SNRPF: variants seen among roughly 807,000 people sequenced by gnomAD.
SNRPF encodes small nuclear ribonucleoprotein polypeptide F.
Under a neutral mutation model 13.4 loss-of-function variants are expected in SNRPF, and 1 was observed. That is an observed-to-expected ratio of 0.07 (90% CI 0.03 to 0.35). The LOEUF (loss-of-function observed/expected upper bound fraction) is 0.35. Among genes scored for constraint, SNRPF ranks in the 10% least tolerant of loss-of-function variants. SNRPF has a pLI of 0.99. For synonymous variants in SNRPF, 27 were observed against 32.1 expected, an observed-to-expected ratio of 0.84 and a Z score of 0.54; for missense variants, 53 against 101.0, an observed-to-expected ratio of 0.52 and a Z score of 2.04.
chr12:95,860,852 C>CTTTT (rs10689270), intron 1 of SNRPF, among the ~76,000 whole-genome samples: 27,477 of 95,988 alleles, frequency 0.29, 4,850 homozygotes, highest in South Asian at 0.39. Context: ...ACCTGGCCCG[C>CTTTT]TTTTTTTTTT....
At chr12:95,859,957 C>T (rs2079487090) in intron 1 of SNRPF, among the ~76,000 whole-genome samples, 1 of 152,088 alleles carries the variant, frequency 6.6e-6, no homozygotes, top group Non-Finnish European at 1.5e-5. Context: ...ACTGGAGACC[C>T]ATTAGGTTAT....
intron 2 of SNRPF, among the ~76,000 whole-genome samples, chr12:95,862,468 C>T (rs997521801): frequency 1.1e-4 from 17 of 152,156 alleles, no homozygotes; most frequent in African/African-American, 4.1e-4. Flanking sequence ...AATCCCAGCA[C>T]TTTGGGAGGC....
At chr12:95,860,642 C>G (rs146410781) in intron 1 of SNRPF, among the ~76,000 whole-genome samples, 1 of 152,048 alleles carries the variant, frequency 6.6e-6, no homozygotes, top group Non-Finnish European at 1.5e-5. Context: ...ACTGCAGCCT[C>G]GAGCTCCTGG....
chr12:95,864,718 A>G (rs1327417327), intron 2 of SNRPF, among the ~76,000 whole-genome samples: 2 of 152,244 alleles, frequency 1.3e-5, no homozygotes, highest in Admixed American at 1.3e-4. Flanking sequence ...CAGCTTGGGC[A>G]ATATAGCAAG....
intron 2 of SNRPF, 115 bp downstream of exon 2, chr12:95,861,408 C>T (rs1257551335): frequency 1.0e-6 from 1 of 972,404 alleles, no homozygotes; most frequent in Non-Finnish European, 1.5e-6. Flanking sequence ...AAATATACGG[C>T]AAAATTCAAA....
chr12:95,866,121 T>G lies in SNRPF; in HGVS notation c.*50T>G. ...ATATATATTTCTAGACAATAAAGATTTGTTTGTTTTTCAACTTGACTTGTG... is the reference window on the plus strand; with the variant it reads ...ATATATATTTCTAGACAATAAAGATGTGTTTGTTTTTCAACTTGACTTGTG... On this transcript the variant is annotated 3_prime_UTR_variant, in exon 4 of 4. Coordinates refer to ENST00000266735, the MANE Select transcript of SNRPF (RefSeq NM_003095.5). The G allele has an allele frequency of 1.2e-6, 1 of 804,598 alleles. No homozygotes were observed. Among genetic ancestry groups the G allele is most frequent in the South Asian group, 1.8e-5 (1 of 55,566 alleles). 49.8% of individuals were successfully genotyped at this position (804,598 alleles called of 1,614,324 possible).
intron 2 of SNRPF, among the ~76,000 whole-genome samples, chr12:95,864,057 C>G (rs2079509655): frequency 6.6e-6 from 1 of 152,150 alleles, no homozygotes; most frequent in Non-Finnish European, 1.5e-5. Context: ...GCTCTTAATA[C>G]ATTATTTCTT....
intron 1 of SNRPF, among the ~76,000 whole-genome samples, chr12:95,860,938 A>T (rs538462862): frequency 1.6e-4 from 23 of 144,050 alleles, no homozygotes; most frequent in African/African-American, 6.0e-4. Flanking sequence ...AGTGTATCTT[A>T]AGTGAATAGT....
At chr12:95,860,324 T>G (rs2079489308) in intron 1 of SNRPF, among the ~76,000 whole-genome samples, 1 of 152,198 alleles carries the variant, frequency 6.6e-6, no homozygotes, top group Non-Finnish European at 1.5e-5. Context: ...TTCCCTCCTT[T>G]TACATAAGTA....
chr12:95,861,464 G>A, intron 2 of SNRPF, 171 bp downstream of exon 2: 1 of 461,516 alleles, frequency 2.2e-6, no homozygotes, highest in Non-Finnish European at 3.8e-6. Flanking sequence ...CTAGGTACAA[G>A]ACATGGACTT....
chr12:95,863,327 TG>T (rs2079504980), intron 2 of SNRPF, among the ~76,000 whole-genome samples: 1 of 152,230 alleles, frequency 6.6e-6, no homozygotes, highest in Non-Finnish European at 1.5e-5. Context: ...CACAGGTTTT[TG>T]AATATACTGA....
chr12:95,865,713 T>A (rs930077245), intron 3 of SNRPF, among the ~76,000 whole-genome samples: 44 of 152,294 alleles, frequency 2.9e-4, no homozygotes, highest in African/African-American at 1.1e-3. Flanking sequence ...CTGGCTGTTT[T>A]GTTATATTGA....
chr12:95,865,948 T>G (rs1372564725), intron 3 of SNRPF, 57 bp from the exon 4 acceptor site: 2 of 723,488 alleles, frequency 2.8e-6, no homozygotes, highest in Non-Finnish European at 4.8e-6. Context: ...AATATAGTAA[T>G]TCATATCATA....
intron 2 of SNRPF, among the ~76,000 whole-genome samples, chr12:95,864,742 A>G (rs58459759): frequency 0.043 from 6,544 of 152,276 alleles, 451 homozygotes; most frequent in East Asian, 0.36. Context: ...TCATCTCTAC[A>G]GAAAAAATTG....
intron 2 of SNRPF, among the ~76,000 whole-genome samples, chr12:95,862,164 T>C (rs1384890502): frequency 1.3e-5 from 2 of 152,202 alleles, no homozygotes; most frequent in African/African-American, 4.8e-5. Flanking sequence ...CGTAGTGTAT[T>C]ATTCAAGGTT....
rs529826979 is a variant in SNRPF, at chr12:95,862,449, C to CA, written c.129+1157dup. Among the ~76,000 whole-genome samples the CA allele has an allele frequency of 3.3e-5, 5 of 152,146 alleles. No homozygotes were observed. In the South Asian group the frequency reaches 6.2e-4, roughly 19 times the overall value. ...TTTAAGGAGGCCAAGCGTGGTGGCT[C>CA]ATGCCTGTAATCCCAGCACTTTGGG... On this transcript the variant is annotated intron_variant, in intron 2 of 3. Coordinates refer to ENST00000266735, the MANE Select transcript of SNRPF (RefSeq NM_003095.5).
chr12:95,861,358 G>A, intron 2 of SNRPF, 65 bp downstream of exon 2: 1 of 1,459,284 alleles, frequency 6.9e-7, no homozygotes, highest in African/African-American at 1.4e-5. Flanking sequence ...TTTCTCAAAG[G>A]TTTAGTCTGA....
In SNRPF at chr12:95,866,100, A is replaced by G. The variant is rs1277641478; in HGVS notation, c.*29A>G. On this transcript the variant is annotated 3_prime_UTR_variant, in exon 4 of 4. Transcript: ENST00000266735. ...CTTTTGTGGGGGATTTTTTTTATAT[A>G]TATTTCTAGACAATAAAGATTTGTT... 1.8e-6 allele frequency: 2 copies of G among 1,083,956 alleles called. No individual in the cohort carries two copies. Among genetic ancestry groups the G allele is most frequent in the Non-Finnish European group, 2.8e-6 (2 of 724,400 alleles). 67.1% of individuals were successfully genotyped at this position (1,083,956 alleles called of 1,614,324 possible).
Position 95,866,135 on chromosome 12 carries a change from A to C in SNRPF, c.*64A>C, listed in dbSNP as rs979367530. 4.8e-6 allele frequency: 4 copies of C among 831,178 alleles called. No individual in the cohort carries two copies. Among genetic ancestry groups the C allele is most frequent in the African/African-American group, 1.8e-5 (1 of 55,404 alleles). The allele number at this position is 831,178 out of a possible 1,614,324, so 51.5% of individuals were successfully genotyped here. A position where few individuals can be genotyped will look rare whatever the true frequency, so the allele number is the denominator to read the frequency against. On this transcript the variant is annotated 3_prime_UTR_variant, in exon 4 of 4. Transcript: ENST00000266735. Reference sequence around the variant, plus strand: ...ACAATAAAGATTTGTTTGTTTTTCAACTTGACTTGTGAACTATTTGTATTC... The same window carrying C: ...ACAATAAAGATTTGTTTGTTTTTCACCTTGACTTGTGAACTATTTGTATTC...
Sources: gnomAD v4.1 joint callset for allele counts (sites outside exome capture counted in the v4.1 genomes callset) on GRCh38, gnomAD v4.1.1 for gene constraint, MANE v1.5 for transcripts, NCBI Gene and HGNC (gene_info 2026-07-23, HGNC 2026-07-21) for gene names.